The following EPCIP variants were observed in gnomAD, a reference collection of about 807,000 sequenced individuals.
EPCIP encodes exosomal polycystin 1 interacting protein.
the EPCIP span, chr21:32,794,253 C>T: frequency 2.5e-6 from 4 of 1,614,248 alleles, no homozygotes; most frequent in Non-Finnish European, 3.4e-6. Flanking sequence ...ATCAGGTTGG[C>T]CAAACTGTAG....
At chr21:32,799,195 C>T in the EPCIP span, among the ~76,000 whole-genome samples, 3 of 152,066 alleles carry the variant, frequency 2.0e-5, no homozygotes, top group African/African-American at 7.2e-5. Flanking sequence ...AAGGTGGGTG[C>T]CCACAAGACC....
At chr21:32,813,563 T>C in the EPCIP span, 1 of 470,446 alleles carries the variant, frequency 2.1e-6, no homozygotes, top group Non-Finnish European at 4.4e-6. Flanking sequence ...ACATGCTTTT[T>C]AAAAAAGAAG....
At chr21:32,801,677 C>T in the EPCIP span, among the ~76,000 whole-genome samples, 1 of 152,222 alleles carries the variant, frequency 6.6e-6, no homozygotes, top group East Asian at 1.9e-4. Flanking sequence ...CCTGTCTCTA[C>T]TGAAAATACA....
At chr21:32,794,273 C>T in the EPCIP span, 60 of 1,614,230 alleles carry the variant, frequency 3.7e-5, no homozygotes, top group African/African-American at 3.1e-4. Context: ...GTCACAATCC[C>T]GGATGTCCGC....
chr21:32,795,602 GCAGGGCCACTA>G, the EPCIP span, among the ~76,000 whole-genome samples: 1 of 152,222 alleles, frequency 6.6e-6, no homozygotes. Context: ...AGAGCTACTG[GCAGGGCCACTA>G]CACTAAGGGC....
chr21:32,798,380 A>G, the EPCIP span: 2 of 152,274 alleles, frequency 1.3e-5, no homozygotes, highest in Non-Finnish European at 2.9e-5. Context: ...CTGGCCTCGG[A>G]GTCTCTCTGG....
the EPCIP span, chr21:32,797,291 C>T: frequency 2.3e-5 from 6 of 255,746 alleles, no homozygotes; most frequent in East Asian, 1.1e-4. Flanking sequence ...TGAAGTCGCC[C>T]GGGCTGCAGT....
the EPCIP span, among the ~76,000 whole-genome samples, chr21:32,800,739 C>A: frequency 1.3e-5 from 2 of 151,986 alleles, no homozygotes; most frequent in African/African-American, 4.8e-5. Flanking sequence ...TCGCTTGAAC[C>A]CAGGAGGCAG....
the EPCIP span, among the ~76,000 whole-genome samples, chr21:32,792,965 T>C: frequency 6.6e-6 from 1 of 151,658 alleles, no homozygotes; most frequent in African/African-American, 2.4e-5. Flanking sequence ...CAGGCTGGAG[T>C]GCAATGGTGT....
chr21:32,802,760 G>C, the EPCIP span, among the ~76,000 whole-genome samples: 4 of 152,182 alleles, frequency 2.6e-5, no homozygotes, highest in Admixed American at 1.3e-4. Context: ...GAGGGAACCA[G>C]TGGTACAGGG....
chr21:32,791,990 C>T, the EPCIP span, among the ~76,000 whole-genome samples: 3 of 151,772 alleles, frequency 2.0e-5, no homozygotes, highest in East Asian at 1.9e-4. Context: ...CTGCAACCTC[C>T]GCCTCCCAGG....
At chr21:32,809,284 CTTTCTTTCTTT>C in the EPCIP span, among the ~76,000 whole-genome samples, 25 of 107,614 alleles carry the variant, frequency 2.3e-4, no homozygotes, top group African/African-American at 7.3e-4. Context: ...TCCTTCCTTT[CTTTCTTTCTTT>C]CTTTCTTTCT....
At chr21:32,796,494 C>A in the EPCIP span, among the ~76,000 whole-genome samples, 1 of 152,184 alleles carries the variant, frequency 6.6e-6, no homozygotes, top group African/African-American at 2.4e-5. Context: ...AGAGATTCGA[C>A]GCGGGGGACT....
At chr21:32,794,512 C>A in the EPCIP span, 1 of 1,218,314 alleles carries the variant, frequency 8.2e-7, no homozygotes, top group Non-Finnish European at 1.1e-6. Context: ...AGCTTTATCA[C>A]AACCTTTCAT....
chr21:32,809,182 CGTGTGTGTGTGT>C, the EPCIP span, among the ~76,000 whole-genome samples: 99 of 121,146 alleles, frequency 8.2e-4, no homozygotes, highest in East Asian at 4.2e-3. Flanking sequence ...TCGAGGGGTG[CGTGTGTGTGTGT>C]GTGTGTGTGT....
At chr21:32,793,258 T>G in the EPCIP span, among the ~76,000 whole-genome samples, 2 of 152,134 alleles carry the variant, frequency 1.3e-5, no homozygotes, top group African/African-American at 2.4e-5. Context: ...TGCCCGACCA[T>G]TTTATAAAAC....
chr21:32,792,023 G>GC, the EPCIP span, among the ~76,000 whole-genome samples: 5 of 151,844 alleles, frequency 3.3e-5, no homozygotes, highest in South Asian at 6.2e-4. Context: ...TCCTGCCTCA[G>GC]CCTCCTGAGT....
At chr21:32,810,120 C>A in the EPCIP span, among the ~76,000 whole-genome samples, 3 of 152,060 alleles carry the variant, frequency 2.0e-5, no homozygotes, top group Admixed American at 6.6e-5. Context: ...CCACAAGCAT[C>A]TGACTTAGTT....
At chr21:32,809,279 C>CTTTCTTTCTTTCTTTCTTTCTTTCTTT in the EPCIP span, among the ~76,000 whole-genome samples, 2 of 79,968 alleles carry the variant, frequency 2.5e-5, no homozygotes, top group Non-Finnish European at 5.0e-5. Flanking sequence ...CTCCCTCCTT[C>CTTTCTTTCTTTCTTTCTTTCTTTCTTT]CTTTCTTTCT....
Sources: gnomAD v4.1 joint callset for allele counts (sites outside exome capture counted in the v4.1 genomes callset) on GRCh38, gnomAD v4.1.1 for gene constraint, MANE v1.5 for transcripts, NCBI Gene and HGNC (gene_info 2026-07-23, HGNC 2026-07-21) for gene names.